Variants in CSMD1 observed in about 807,000 individuals in gnomAD.
CSMD1 encodes CUB and Sushi multiple domains 1.
Under a neutral mutation model 417.5 loss-of-function variants are expected in CSMD1, and 213 were observed. The ratio of observed to expected loss-of-function variants is 0.51; its 90% CI spans 0.46 to 0.57. The LOEUF is 0.57. CSMD1 is among the 20% of genes least tolerant of loss of function. The pLI, the probability that CSMD1 is intolerant of heterozygous loss-of-function variation, is 0.00. For missense variants in CSMD1, 6,923 were observed against 4,529.7 expected, an observed-to-expected ratio of 1.53 and a Z score of -15.17; for synonymous variants, 2,862 against 1,736.8, an observed-to-expected ratio of 1.65 and a Z score of -16.11.
intron 1 of CSMD1, among the ~76,000 whole-genome samples, chr8:4,947,431 T>A (rs568585565): frequency 2.0e-5 from 3 of 152,120 alleles, no homozygotes; most frequent in African/African-American, 7.2e-5. Flanking sequence ...TTTTCTCACA[T>A]AGGTAAGAAA....
At chr8:3,537,588 A>T (rs1056198356) in intron 10 of CSMD1, among the ~76,000 whole-genome samples, 1 of 152,216 alleles carries the variant, frequency 6.6e-6, no homozygotes, top group Non-Finnish European at 1.5e-5. Flanking sequence ...TAGCTCTATT[A>T]TTCTGATAAT....
At chr8:3,241,681 C>A (rs1799535889) in intron 26 of CSMD1, among the ~76,000 whole-genome samples, 1 of 152,166 alleles carries the variant, frequency 6.6e-6, no homozygotes, top group South Asian at 2.1e-4. Flanking sequence ...GCACTTGTAG[C>A]AAGCTCCTGG....
chr8:3,773,014 A>G (rs1584975975), intron 5 of CSMD1, among the ~76,000 whole-genome samples: 1 of 151,844 alleles, frequency 6.6e-6, no homozygotes, highest in East Asian at 1.9e-4. Context: ...CAGAGGCAGG[A>G]CCTCCTCCCT....
intron 1 of CSMD1, among the ~76,000 whole-genome samples, chr8:4,721,657 A>C (rs1809060739): frequency 6.6e-6 from 1 of 152,172 alleles, no homozygotes; most frequent in Non-Finnish European, 1.5e-5. Flanking sequence ...AGGTTCCTCA[A>C]AAAATTAAAC....
intron 1 of CSMD1, among the ~76,000 whole-genome samples, chr8:4,905,021 G>A (rs1450212167): frequency 2.0e-5 from 3 of 152,162 alleles, no homozygotes; most frequent in Admixed American, 6.5e-5. Flanking sequence ...TAGTGTGACA[G>A]TAGAAATTAA....
intron 39 of CSMD1, among the ~76,000 whole-genome samples, chr8:3,155,692 A>G (rs919052298): frequency 6.6e-6 from 1 of 152,132 alleles, no homozygotes; most frequent in African/African-American, 2.4e-5. Flanking sequence ...AACGTCTGTA[A>G]AAGTAGCTCA....
chr8:3,990,584 A>C (rs1425750126), intron 5 of CSMD1, among the ~76,000 whole-genome samples: 1 of 152,232 alleles, frequency 6.6e-6, no homozygotes, highest in Non-Finnish European at 1.5e-5. Context: ...CAAATTTCAA[A>C]TACGTATTCT....
chr8:3,930,460 T>C (rs1026796681), intron 5 of CSMD1, among the ~76,000 whole-genome samples: 7 of 150,584 alleles, frequency 4.6e-5, no homozygotes, highest in African/African-American at 1.7e-4. Flanking sequence ...TTGAAGGTCT[T>C]TTTACCTTTC....
intron 21 of CSMD1, among the ~76,000 whole-genome samples, chr8:3,355,815 C>A (rs1050874356): frequency 6.6e-6 from 1 of 152,086 alleles, no homozygotes; most frequent in African/African-American, 2.4e-5. Context: ...ATGTGGGCAA[C>A]TTTTTCTCTA....
At chr8:3,494,393 C>G (rs1796273330) in intron 10 of CSMD1, among the ~76,000 whole-genome samples, 1 of 152,054 alleles carries the variant, frequency 6.6e-6, no homozygotes, top group African/African-American at 2.4e-5. Flanking sequence ...GAAATGCTTC[C>G]TTTGGTGGCC....
At chr8:3,563,246 C>T (rs183246744) in intron 10 of CSMD1, among the ~76,000 whole-genome samples, 5 of 151,286 alleles carry the variant, frequency 3.3e-5, no homozygotes, top group African/African-American at 1.2e-4. Flanking sequence ...CCGCACAAAC[C>T]GGGATTTTAG....
At chr8:3,423,835 A>G (rs1357810004) in intron 12 of CSMD1, among the ~76,000 whole-genome samples, 5 of 152,192 alleles carry the variant, frequency 3.3e-5, no homozygotes, top group Admixed American at 3.3e-4. Flanking sequence ...TCTCCTCACA[A>G]CTGGGATGGT....
intron 1 of CSMD1, among the ~76,000 whole-genome samples, chr8:4,766,191 T>A (rs1303066383): frequency 6.6e-6 from 1 of 152,166 alleles, no homozygotes; most frequent in Admixed American, 6.5e-5. Context: ...CATGAACATA[T>A]GTTGCCTACT....
At chr8:4,155,197 G>A (rs892968519) in intron 3 of CSMD1, among the ~76,000 whole-genome samples, 18 of 152,158 alleles carry the variant, frequency 1.2e-4, no homozygotes, top group Admixed American at 6.5e-4. Context: ...TTGTCCTTTT[G>A]CAGTTTGTAA....
chr8:3,760,787 G>A (rs768915042), intron 5 of CSMD1, among the ~76,000 whole-genome samples: 1 of 152,172 alleles, frequency 6.6e-6, no homozygotes, highest in Non-Finnish European at 1.5e-5. Context: ...TCCCTCTGCA[G>A]TTAAGTCTCT....
At chr8:3,238,416 C>A (rs188711852) in intron 26 of CSMD1, among the ~76,000 whole-genome samples, 2 of 152,066 alleles carry the variant, frequency 1.3e-5, no homozygotes, top group East Asian at 3.9e-4. Flanking sequence ...GTCCTGTTTT[C>A]TTATATTAAT....
chr8:3,017,232 T>C (rs1456388215), intron 52 of CSMD1, among the ~76,000 whole-genome samples: 1 of 152,184 alleles, frequency 6.6e-6, no homozygotes, highest in Non-Finnish European at 1.5e-5. Flanking sequence ...CTGGGCTCCT[T>C]CAGAGGACCA....
chr8:3,851,249 A>G (rs1803886130), intron 5 of CSMD1, among the ~76,000 whole-genome samples: 1 of 152,226 alleles, frequency 6.6e-6, no homozygotes, highest in Non-Finnish European at 1.5e-5. Flanking sequence ...GCATCTAGAC[A>G]AGGGTGCATA....
chr8:3,211,839 G>C (rs890865919), intron 30 of CSMD1, among the ~76,000 whole-genome samples: 8 of 152,178 alleles, frequency 5.3e-5, no homozygotes, highest in Non-Finnish European at 1.2e-4. Context: ...AAGAGCACAG[G>C]GCAAGCACCC....
Sources: allele counts gnomAD v4.1 joint callset (sites outside exome capture counted in the v4.1 genomes callset), GRCh38; gene constraint gnomAD v4.1.1; transcripts MANE v1.5; gene names NCBI Gene and HGNC (gene_info 2026-07-23, HGNC 2026-07-21).